Variants in NXPE2 observed in about 807,000 individuals in gnomAD.
The protein encoded by NXPE2 is neurexophilin and PC-esterase domain family member 2.
NXPE2 carries 34 observed loss-of-function variants against 34.4 expected under a neutral mutation model. That is an observed-to-expected ratio of 0.99 (90% CI 0.75 to 1.31). NXPE2 has a LOEUF of 1.31. NXPE2 is among the 40% of genes most tolerant of loss of function. The pLI, the probability that NXPE2 is intolerant of heterozygous loss-of-function variation, is 0.00. For missense variants in NXPE2, 649 were observed against 672.5 expected, an observed-to-expected ratio of 0.97 and a Z score of 0.39; for synonymous variants, 235 against 231.3, an observed-to-expected ratio of 1.02 and a Z score of -0.15.
At chr11:114,624,159 C>T in the NXPE2 span, among the ~76,000 whole-genome samples, 1 of 152,044 alleles carries the variant, frequency 6.6e-6, no homozygotes, top group South Asian at 2.1e-4. Context: ...TCATGTGTAA[C>T]CAATGTTATA....
the NXPE2 span, chr11:114,594,842 T>A: frequency 1.2e-6 from 1 of 802,448 alleles, no homozygotes; most frequent in Non-Finnish European, 2.0e-6. Flanking sequence ...ATGGGAAACA[T>A]TTGAAATTTT....
At chr11:114,537,365 T>A in the NXPE2 span, among the ~76,000 whole-genome samples, 2 of 152,280 alleles carry the variant, frequency 1.3e-5, no homozygotes, top group African/African-American at 4.8e-5. Flanking sequence ...CTTTGAAAAC[T>A]GGCACAAGAC....
the NXPE2 span, chr11:114,571,270 G>C: frequency 1.2e-6 from 2 of 1,613,948 alleles, no homozygotes; most frequent in Admixed American, 1.7e-5. Context: ...TGCTGGCCCA[G>C]GGAAATAACA....
At chr11:114,554,401 C>A in the NXPE2 span, 33 of 984,770 alleles carry the variant, frequency 3.4e-5, no homozygotes, top group Admixed American at 1.8e-4. Context: ...TGACAATATT[C>A]CAGAACAGGG....
the NXPE2 span, among the ~76,000 whole-genome samples, chr11:114,601,254 C>G: frequency 1.3e-5 from 2 of 150,298 alleles, no homozygotes; most frequent in African/African-American, 4.9e-5. Context: ...CATGCTCCCT[C>G]TTTCTGAGTC....
the NXPE2 span, among the ~76,000 whole-genome samples, chr11:114,495,343 AT>A: frequency 6.6e-6 from 1 of 151,932 alleles, no homozygotes; most frequent in Non-Finnish European, 1.5e-5. Context: ...CAGAGATGCC[AT>A]TCAGGGGCCC....
intron 2 of NXPE2, among the ~76,000 whole-genome samples, chr11:114,681,771 C>G (rs1370111409): frequency 3.3e-5 from 5 of 151,986 alleles, no homozygotes; most frequent in African/African-American, 1.2e-4. Flanking sequence ...AAATATAGCC[C>G]AAAGGAAACC....
the NXPE2 span, among the ~76,000 whole-genome samples, chr11:114,504,155 A>T: frequency 6.6e-6 from 1 of 152,076 alleles, no homozygotes; most frequent in African/African-American, 2.4e-5. Context: ...GTTTTGCTTC[A>T]TTTGCCCTGC....
At chr11:114,652,047 G>A in the NXPE2 span, among the ~76,000 whole-genome samples, 7 of 152,188 alleles carry the variant, frequency 4.6e-5, no homozygotes, top group African/African-American at 1.7e-4. Flanking sequence ...TTACCCAACT[G>A]ATAAAGCTAT....
At chr11:114,811,351 A>T in the NXPE2 span, among the ~76,000 whole-genome samples, 18 of 150,884 alleles carry the variant, frequency 1.2e-4, no homozygotes, top group African/African-American at 3.9e-4. Flanking sequence ...TAAAATAAAA[A>T]AAATGCAAAA....
At chr11:114,705,589 C>G (rs1345051201) in intron 4 of NXPE2, among the ~76,000 whole-genome samples, 192 bp from the exon 5 acceptor site, 1 of 151,938 alleles carries the variant, frequency 6.6e-6, no homozygotes, top group African/African-American at 2.4e-5. Flanking sequence ...AAAAACTATT[C>G]AAGAAAAGCT....
At chr11:114,764,427 TAAA>T in the NXPE2 span, among the ~76,000 whole-genome samples, 64,225 of 149,872 alleles carry the variant, frequency 0.43, 14,133 homozygotes, top group East Asian at 0.49. Context: ...TAGTTTTCTT[TAAA>T]AAAAAAAAAA....
At chr11:114,746,710 G>T in the NXPE2 span, among the ~76,000 whole-genome samples, 7 of 152,072 alleles carry the variant, frequency 4.6e-5, no homozygotes, top group Non-Finnish European at 1.5e-5. Flanking sequence ...AATTAGCTGG[G>T]CTTCCTGGCC....
the NXPE2 span, among the ~76,000 whole-genome samples, chr11:114,752,723 C>T: frequency 7.2e-5 from 11 of 152,218 alleles, no homozygotes; most frequent in South Asian, 4.1e-4. Flanking sequence ...AAGACAGGAA[C>T]GACTGTGGGA....
chr11:114,630,044 A>G, the NXPE2 span, among the ~76,000 whole-genome samples: 1 of 151,520 alleles, frequency 6.6e-6, no homozygotes, highest in South Asian at 2.1e-4. Context: ...ATGGAAGAAC[A>G]TTCCATGCTC....
the NXPE2 span, among the ~76,000 whole-genome samples, chr11:114,778,544 A>G: frequency 6.6e-6 from 1 of 152,208 alleles, no homozygotes; most frequent in Non-Finnish European, 1.5e-5. Flanking sequence ...GTGACTCTGT[A>G]TGGTGGCAGT....
the NXPE2 span, among the ~76,000 whole-genome samples, chr11:114,567,278 C>G: frequency 2.6e-5 from 4 of 152,030 alleles, no homozygotes. Flanking sequence ...CCCATGCAGG[C>G]CCCCTGCACA....
chr11:114,561,771 C>T, the NXPE2 span, among the ~76,000 whole-genome samples: 1 of 152,094 alleles, frequency 6.6e-6, no homozygotes, highest in African/African-American at 2.4e-5. Flanking sequence ...TTTTTATCTT[C>T]ATCATGTTTG....
At chr11:114,637,007 C>T in the NXPE2 span, among the ~76,000 whole-genome samples, 15 of 152,198 alleles carry the variant, frequency 9.9e-5, no homozygotes, top group East Asian at 5.8e-4. Context: ...AGTTCAATTC[C>T]TGGGTATCGT....
Sources: allele counts gnomAD v4.1 joint callset (sites outside exome capture counted in the v4.1 genomes callset), GRCh38; gene constraint gnomAD v4.1.1; transcripts MANE v1.5; gene names NCBI Gene and HGNC (gene_info 2026-07-23, HGNC 2026-07-21).